The following IL6ST variants were observed in gnomAD, a reference collection of about 807,000 sequenced individuals.
IL6ST encodes interleukin 6 cytokine family signal transducer.
IL6ST carries 24 observed loss-of-function variants against 91.3 expected under a neutral mutation model. The observed-to-expected ratio is 0.26, with a 90% confidence interval of 0.19 to 0.37. The LOEUF is 0.37. Ranked by LOEUF, IL6ST falls within the 10% of genes least tolerant of loss-of-function variation. IL6ST has a pLI of 1.00. For synonymous variants in IL6ST, 351 were observed against 373.6 expected (o/e 0.94, Z 0.70); for missense variants, 914 against 1,078.5 (o/e 0.85, Z 2.14).
chr5:55,944,638 T>C, intron 15 of IL6ST: 1 of 870,598 alleles, frequency 1.1e-6, no homozygotes, highest in South Asian at 1.4e-5. Flanking sequence ...GCGCCATTTT[T>C]TTGGAAACCT....
rs561250709 is a variant in IL6ST at position 55,939,826 on chromosome 5, G to C, written c.*1256C>G. ...TTCCTAAATCACAATGTAGAACTAA[G>C]TTCCACCCTACCTCAGAACTGCAGA... On this transcript the variant is annotated 3_prime_UTR_variant, in exon 17 of 17. Transcript: ENST00000381298. The C allele has an allele frequency of 8.0e-4, 163 of 203,394 alleles. No homozygotes were observed. The highest frequency in any genetic ancestry group is 3.5e-3 in the African/African-American group (154 of 43,826). The allele number at this position is 203,394 out of a possible 1,614,324, so 12.6% of individuals were successfully genotyped here.
chr5:55,974,944 C>A (rs1191305846), intron 3 of IL6ST, among the ~76,000 whole-genome samples: 2 of 149,120 alleles, frequency 1.3e-5, no homozygotes, highest in Non-Finnish European at 3.0e-5. Context: ...CATACACACA[C>A]ACACACACAC....
At chr5:55,972,114 T>C (rs1421893982) in intron 3 of IL6ST, among the ~76,000 whole-genome samples, 3 of 152,206 alleles carry the variant, frequency 2.0e-5, no homozygotes, top group Non-Finnish European at 4.4e-5. Context: ...TCTAAAGTAA[T>C]CATAGGGATG....
At chr5:55,973,718 GTAT>G (rs1413829983) in intron 3 of IL6ST, among the ~76,000 whole-genome samples, 2 of 152,192 alleles carry the variant, frequency 1.3e-5, no homozygotes, top group African/African-American at 4.8e-5. Flanking sequence ...ATCATGAGAG[GTAT>G]TATTATCATT....
chr5:55,975,070 G>C (rs113501584), intron 3 of IL6ST, among the ~76,000 whole-genome samples: 1 of 151,704 alleles, frequency 6.6e-6, no homozygotes, highest in Non-Finnish European at 1.5e-5. Context: ...CTGTGACCTC[G>C]AGGTCCAGGG....
At chr5:55,988,970 A>T (rs78698714) in intron 1 of IL6ST, among the ~76,000 whole-genome samples, 4,388 of 151,202 alleles carry the variant, frequency 0.029, 145 homozygotes, top group African/African-American at 0.072. Flanking sequence ...AAAAATAAAA[A>T]AAAAAATCAG....
chr5:55,965,035 G>A (rs1174924712), intron 5 of IL6ST, among the ~76,000 whole-genome samples: 4 of 151,662 alleles, frequency 2.6e-5, no homozygotes, highest in Non-Finnish European at 1.5e-5. Flanking sequence ...TTGACTTTTT[G>A]GATTGTTTTA....
intron 3 of IL6ST, among the ~76,000 whole-genome samples, chr5:55,971,442 A>G (rs1752958054): frequency 6.6e-6 from 1 of 152,232 alleles, no homozygotes; most frequent in Admixed American, 6.5e-5. Context: ...ACATTTGTCT[A>G]CTTTAAATTA....
intron 3 of IL6ST, among the ~76,000 whole-genome samples, chr5:55,974,343 G>C (rs1166629898): frequency 6.6e-6 from 1 of 151,950 alleles, no homozygotes; most frequent in African/African-American, 2.4e-5. Flanking sequence ...GTTGTTTTTT[G>C]AGATAGGGTC....
rs746389818 is a variant in IL6ST, at chr5:55,947,480, T to C, written c.1937+13A>G. On this transcript the variant is annotated intron_variant, in intron 15 of 16. Transcript: ENST00000381298. ...CTGGGGGAAAATGCAAAAATATGAA[T>C]AAAGTTACTTACAGGTCTCGCTTAT... is the stretch of plus-strand genomic sequence containing the variant. 1.4e-6 allele frequency: 2 copies of C among 1,429,122 alleles called. No individual in the cohort carries two copies. Among genetic ancestry groups the C allele is most frequent in the Non-Finnish European group, 1.9e-6 (2 of 1,037,378 alleles). 88.5% of individuals were successfully genotyped at this position (1,429,122 alleles called of 1,614,324 possible).
At position 55,939,074 on chromosome 5, in the gene IL6ST, A is replaced by C. The variant is rs1345324371; in HGVS notation, c.*2008T>G. ...TCATGACACTATTTGTTATGAGGAA[A>C]GTTGCAGCTAAATATTAGTCATGTG... On this transcript the variant is annotated 3_prime_UTR_variant, in exon 17 of 17. Coordinates refer to ENST00000381298, the MANE Select transcript of IL6ST (RefSeq NM_002184.4). 4.8e-6 allele frequency: 1 copy of C among 206,322 alleles called. No homozygotes were observed. The highest frequency in any genetic ancestry group is 9.9e-6 in the Non-Finnish European group (1 of 101,018). 12.8% of individuals were successfully genotyped at this position (206,322 alleles called of 1,614,324 possible).
chr5:55,937,277 C>T lies in IL6ST; in HGVS notation c.*3805G>A, dbSNP rs560897299. The stretch of plus-strand genomic sequence containing the variant: ...CTAACCAGTTTGTACAAACTATTGA[C>T]TGAGAAAAAGCCCTTAAAAATTTAG... On this transcript the variant is annotated 3_prime_UTR_variant, in exon 17 of 17. Transcript: ENST00000381298. 4.7e-6 allele frequency: 1 copy of T among 213,618 alleles called. No homozygotes were observed. The highest frequency in any genetic ancestry group is 9.5e-6 in the Non-Finnish European group (1 of 105,600). The allele number at this position is 213,618 out of a possible 1,614,324, so 13.2% of individuals were successfully genotyped here. A position where few individuals can be genotyped will look rare whatever the true frequency, so the allele number is the denominator to read the frequency against.
At chr5:55,942,831 CAAAG>C (rs1751003959) in intron 15 of IL6ST, 80 bp from the exon 16 acceptor site, 1 of 750,816 alleles carries the variant, frequency 1.3e-6, no homozygotes, top group Admixed American at 2.4e-5. Flanking sequence ...ACATGTTCAT[CAAAG>C]ACTCTTACAA....
chr5:55,944,385 T>G (rs1751110476), intron 15 of IL6ST, among the ~76,000 whole-genome samples: 1 of 152,186 alleles, frequency 6.6e-6, no homozygotes, highest in Admixed American at 6.5e-5. Flanking sequence ...GATGAATATA[T>G]TTTAAAAAAT....
chr5:55,935,374 G>GT lies in IL6ST; in HGVS notation c.*5707dup, dbSNP rs1750442389. The GT allele has an allele frequency of 1.5e-5, 3 of 200,924 alleles. 1 individual carries two copies. Among genetic ancestry groups the GT allele is most frequent in the South Asian group, 3.8e-4 (2 of 5,282 alleles). 12.4% of individuals were successfully genotyped at this position (200,924 alleles called of 1,614,324 possible). A position where few individuals can be genotyped will look rare whatever the true frequency, so the allele number is the denominator to read the frequency against. ...GTTTCTAAAACTAAGCTCTGGCTTC[G>GT]TATCTGTTGAAAATCTTTAGCGGTT... is the stretch of plus-strand genomic sequence containing the variant. On this transcript the variant is annotated 3_prime_UTR_variant, in exon 17 of 17. Coordinates refer to ENST00000381298, the MANE Select transcript of IL6ST (RefSeq NM_002184.4).
intron 5 of IL6ST, among the ~76,000 whole-genome samples, 183 bp downstream of exon 5, chr5:55,968,092 TG>T (rs1314394667): frequency 2.0e-5 from 3 of 152,104 alleles, no homozygotes; most frequent in Non-Finnish European, 4.4e-5. Context: ...CCGCCGCGCC[TG>T]GGGGATTACA....
At chr5:55,981,148 A>T (rs1215755516) in intron 2 of IL6ST, among the ~76,000 whole-genome samples, 13 of 152,366 alleles carry the variant, frequency 8.5e-5, no homozygotes, top group Admixed American at 3.9e-4. Flanking sequence ...AAGCAAAGCG[A>T]ACTAGGCAAA....
At chr5:55,988,391 A>C (rs1446768559) in intron 1 of IL6ST, among the ~76,000 whole-genome samples, 1 of 152,212 alleles carries the variant, frequency 6.6e-6, no homozygotes, top group East Asian at 1.9e-4. Flanking sequence ...TGAGAATTTA[A>C]CACAGTAGTC....
Position 55,935,511 on chromosome 5 carries a change from TGATCTTACTAAGTTGTCCAA to T in IL6ST, c.*5551_*5570del, listed in dbSNP as rs1318901145. 1 of 214,794 alleles carries T rather than the reference TGATCTTACTAAGTTGTCCAA, an allele frequency of 4.7e-6. No homozygotes were observed. The highest frequency in any genetic ancestry group is 9.4e-6 in the Non-Finnish European group (1 of 106,462). The allele number at this position is 214,794 out of a possible 1,614,324, so 13.3% of individuals were successfully genotyped here. ...ATGGAGAACCCAAGCAGCCTTTCCATGATCTTACTAAGTTGTCCAAGAGCCAACCCCGATCAGCAGCAACA... is the reference window on the plus strand; with the variant it reads ...ATGGAGAACCCAAGCAGCCTTTCCATGAGCCAACCCCGATCAGCAGCAACA... On this transcript the variant is annotated 3_prime_UTR_variant, in exon 17 of 17. Transcript: ENST00000381298.
Sources: allele counts gnomAD v4.1 joint callset (sites outside exome capture counted in the v4.1 genomes callset), GRCh38; gene constraint gnomAD v4.1.1; transcripts MANE v1.5; gene names NCBI Gene and HGNC (gene_info 2026-07-23, HGNC 2026-07-21).